GK: variants seen among roughly 807,000 people sequenced by gnomAD.
The protein encoded by GK is ATP:glycerol 3-phosphotransferase.
GK carries 9 observed loss-of-function variants against 56.4 expected under a neutral mutation model. The ratio of observed to expected loss-of-function variants is 0.16; its 90% CI spans 0.10 to 0.28. The LOEUF is 0.28. Ranked by LOEUF, GK falls within the 10% of genes least tolerant of loss-of-function variation. The pLI, the probability that GK is intolerant of heterozygous loss-of-function variation, is 1.00. For synonymous variants in GK, 104 were observed against 144.1 expected (o/e 0.72, Z 1.99); for missense variants, 161 against 431.4 (o/e 0.37, Z 5.55).
intron 3 of GK, among the ~76,000 whole-genome samples, chrX:30,668,635 G>A (rs1933247727): frequency 8.9e-6 from 1 of 111,972 alleles, no homozygotes; most frequent in Non-Finnish European, 1.9e-5. Flanking sequence ...TGGGTAGGGG[G>A]TTTCAGTAGG....
At chrX:30,715,779 T>G (rs1036962609) in intron 13 of GK, among the ~76,000 whole-genome samples, 1 of 112,263 alleles carries the variant, frequency 8.9e-6, no homozygotes, top group African/African-American at 3.2e-5. Flanking sequence ...AATCATACCA[T>G]GTATTATATC....
At chrX:30,715,010 C>T (rs767198427) in intron 13 of GK, among the ~76,000 whole-genome samples, 1 of 111,989 alleles carries the variant, frequency 8.9e-6, no homozygotes, top group South Asian at 3.7e-4. Flanking sequence ...CTAATATATA[C>T]AAATTAACTA....
intron 4 of GK, among the ~76,000 whole-genome samples, chrX:30,686,077 G>A (rs1934594820): frequency 8.9e-6 from 1 of 112,598 alleles, no homozygotes; most frequent in African/African-American, 3.2e-5. Context: ...CCACACTCAA[G>A]TCAGTCATTG....
intron 4 of GK, among the ~76,000 whole-genome samples, chrX:30,684,104 C>G (rs1934447166): frequency 8.9e-6 from 1 of 111,997 alleles, no homozygotes; most frequent in African/African-American, 3.2e-5. Flanking sequence ...CTAAACTGAC[C>G]AAGAAGCACA....
chrX:30,683,147 C>T (rs1395485498), intron 4 of GK, among the ~76,000 whole-genome samples: 1 of 111,115 alleles, frequency 9.0e-6, no homozygotes, highest in African/African-American at 3.3e-5. Flanking sequence ...TATGCCTGTC[C>T]TTCTCCTCTT....
chrX:30,665,946 A>T (rs1018231293), intron 2 of GK, among the ~76,000 whole-genome samples: 1 of 112,402 alleles, frequency 8.9e-6, no homozygotes, highest in African/African-American at 3.2e-5. Flanking sequence ...TCTTTTTAAA[A>T]AAGTATTCAC....
At chrX:30,671,553 T>G in intron 3 of GK, 2 of 112,031 alleles carry the variant, frequency 1.8e-5, no homozygotes, top group South Asian at 7.4e-4. Flanking sequence ...TGAAGAGTGA[T>G]ATCATTTATA....
At chrX:30,709,806 C>T (rs1054946373) in intron 13 of GK, among the ~76,000 whole-genome samples, 14 of 111,046 alleles carry the variant, frequency 1.3e-4, no homozygotes, top group Admixed American at 1.9e-4. Flanking sequence ...AAACCTAGCT[C>T]GTTTTCAAAT....
intron 16 of GK, 132 bp from the exon 17 acceptor site, chrX:30,720,489 C>A: frequency 3.3e-6 from 2 of 608,354 alleles, no homozygotes; most frequent in Non-Finnish European, 5.5e-6. Flanking sequence ...GCTTAGAAGA[C>A]CAGAATAAGA....
At chrX:30,726,994 A>C (rs1363667382) in intron 19 of GK, among the ~76,000 whole-genome samples, 1 of 112,770 alleles carries the variant, frequency 8.9e-6, no homozygotes, top group Non-Finnish European at 1.9e-5. Flanking sequence ...CTATTAAAAA[A>C]ATAAAACTGA....
intron 3 of GK, among the ~76,000 whole-genome samples, chrX:30,668,568 G>A (rs1471356981): frequency 1.8e-5 from 2 of 111,700 alleles, no homozygotes; most frequent in African/African-American, 6.5e-5. Flanking sequence ...GGACATTTCC[G>A]GGTCAGAAAG....
intron 19 of GK, among the ~76,000 whole-genome samples, chrX:30,726,569 G>A (rs181769390): frequency 8.9e-6 from 1 of 111,912 alleles, no homozygotes; most frequent in Admixed American, 9.5e-5. Context: ...TTACAGGCGT[G>A]AGCCACTGCA....
Position 30,703,956 on chromosome X carries a change from C to CA in GK, c.851+3063dup, listed in dbSNP as rs371913590. ...AACCTGGGTGACAGAGAGACTGCCT[C>CA]AAAAAAAAAAAAGATGGAAATTTTA... On this transcript the variant is annotated intron_variant, in intron 11 of 20. Transcript: ENST00000427190. 6.5e-3 allele frequency among the ~76,000 whole-genome samples: 546 copies of CA among 84,535 alleles called. 4 individuals are homozygous for CA. The highest frequency in any genetic ancestry group is 0.021 in the African/African-American group (450 of 21,904). The allele number at this position is 84,535 out of a possible 115,157, so 73.4% of individuals were successfully genotyped here.
At position 30,660,811 on chromosome X, in the gene GK, TC is replaced by T. The variant is rs1176247714; in HGVS notation, c.79-4699del. 1.3e-3 allele frequency among the ~76,000 whole-genome samples: 127 copies of T among 96,843 alleles called. 1 individual carries two copies. Among genetic ancestry groups the T allele is most frequent in the Non-Finnish European group, 2.3e-3 (112 of 48,610 alleles). The allele number at this position is 96,843 out of a possible 115,157, so 84.1% of individuals were successfully genotyped here. ...GAACAGATTTTTTTTTTTTCTTTCT[TC>T]TTTTTTTTTTTTTTTTTCCGAGACG... On this transcript the variant is annotated intron_variant, in intron 1 of 20. Transcript: ENST00000427190.
intron 16 of GK, 115 bp from the exon 17 acceptor site, chrX:30,720,506 A>T: frequency 1.4e-6 from 1 of 705,985 alleles, no homozygotes; most frequent in East Asian, 3.2e-5. Flanking sequence ...AAGAAGTCTC[A>T]ATTTATTCCA....
At chrX:30,678,515 G>A (rs1222373373) in intron 4 of GK, among the ~76,000 whole-genome samples, 1 of 111,238 alleles carries the variant, frequency 9.0e-6, no homozygotes, top group Non-Finnish European at 1.9e-5. Context: ...GATAATTTTG[G>A]GGGAATAATC....
chrX:30,726,436 C>T (rs376705376), intron 19 of GK, among the ~76,000 whole-genome samples: 7 of 109,751 alleles, frequency 6.4e-5, no homozygotes, highest in South Asian at 3.9e-4. Context: ...TACAGGCATG[C>T]GCCACCATGC....
chrX:30,671,291 CAAAA>C (rs56822779), intron 3 of GK, among the ~76,000 whole-genome samples: 1 of 27,306 alleles, frequency 3.7e-5, no homozygotes, highest in Non-Finnish European at 6.8e-5. Context: ...AACTCCATCT[CAAAA>C]AAAAAAAAAA....
At chrX:30,698,606 A>G (rs1935366989) in intron 9 of GK, among the ~76,000 whole-genome samples, 1 of 108,705 alleles carries the variant, frequency 9.2e-6, no homozygotes, top group Admixed American at 9.9e-5. Flanking sequence ...TGGGAGGCCG[A>G]GGCAGGAGAA....
Sources: allele counts gnomAD v4.1 joint callset (sites outside exome capture counted in the v4.1 genomes callset), GRCh38; gene constraint gnomAD v4.1.1; transcripts MANE v1.5; gene names NCBI Gene and HGNC (gene_info 2026-07-23, HGNC 2026-07-21).